Variants in FBXL14 observed in about 807,000 individuals in gnomAD.
FBXL14 encodes the protein F-box/LRR-repeat protein 14.
Under a neutral mutation model 24.5 loss-of-function variants are expected in FBXL14, and 11 were observed. The observed-to-expected ratio is 0.45, with a 90% CI of 0.28 to 0.74. FBXL14 has a LOEUF of 0.74. Ranked by LOEUF, FBXL14 falls within the 30% of genes least tolerant of loss-of-function variation. The pLI is 0.12. For synonymous variants in FBXL14, 294 were observed against 240.4 expected (o/e 1.22, Z -2.06); for missense variants, 384 against 545.6 (o/e 0.70, Z 2.95).
Position 1,566,470 on chromosome 12 carries a change from C to G in FBXL14, c.*278G>C. The G allele has an allele frequency of 2.8e-6, 1 of 354,616 alleles. No individual in the cohort carries two copies. The highest frequency in any genetic ancestry group is 4.6e-5 in the East Asian group (1 of 21,578). 22.0% of individuals were successfully genotyped at this position (354,616 alleles called of 1,614,324 possible). On this transcript the variant is annotated 3_prime_UTR_variant, in exon 2 of 2. Coordinates refer to ENST00000339235, the MANE Select transcript of FBXL14 (RefSeq NM_152441.3). ...AGAAGCTTGCAAATTGCAATTCCAT[C>G]CTAGCAAGTAAAAAGCTGAACAGAC... is the stretch of plus-strand genomic sequence containing the variant.
chr12:1,590,868 T>C (rs1047739543), intron 1 of FBXL14, among the ~76,000 whole-genome samples: 1 of 152,124 alleles, frequency 6.6e-6, no homozygotes, highest in African/African-American at 2.4e-5. Flanking sequence ...AGGACAGCGC[T>C]CTTTTAACTT....
chr12:1,570,169 C>A (rs2094442963), intron 1 of FBXL14, among the ~76,000 whole-genome samples: 1 of 152,168 alleles, frequency 6.6e-6, no homozygotes, highest in South Asian at 2.1e-4. Flanking sequence ...AGCAGTGACT[C>A]AAAGGCCAGT....
chr12:1,594,135 G>T lies in FBXL14; in HGVS notation c.-69C>A. 1 of 1,234,666 alleles carries T rather than the reference G, an allele frequency of 8.1e-7. No individual in the cohort carries two copies. The highest frequency in any genetic ancestry group is 1.0e-6 in the Non-Finnish European group (1 of 982,238). 76.5% of individuals were successfully genotyped at this position (1,234,666 alleles called of 1,614,324 possible). A position where few individuals can be genotyped will look rare whatever the true frequency, so the allele number is the denominator to read the frequency against. On this transcript the variant is annotated 5_prime_UTR_variant, in exon 1 of 2. Transcript: ENST00000339235. Reference sequence around the variant, plus strand: ...GCCCCGCCGCTCCGGCCTCGGGCAGGCGACGAGAGCGCTTCTCCCCAGCCG... The same window carrying T: ...GCCCCGCCGCTCCGGCCTCGGGCAGTCGACGAGAGCGCTTCTCCCCAGCCG...
rs1427082586 is a variant in FBXL14, at chr12:1,594,132, C to T, written c.-66G>A. On this transcript the variant is annotated 5_prime_UTR_variant, in exon 1 of 2. Coordinates refer to ENST00000339235, the MANE Select transcript of FBXL14 (RefSeq NM_152441.3). ...CGGGCCCCGCCGCTCCGGCCTCGGGCAGGCGACGAGAGCGCTTCTCCCCAG... is the reference window on the plus strand; with the variant it reads ...CGGGCCCCGCCGCTCCGGCCTCGGGTAGGCGACGAGAGCGCTTCTCCCCAG... 4 of 1,272,834 alleles carry T rather than the reference C, an allele frequency of 3.1e-6. No homozygotes were observed. Among genetic ancestry groups the T allele is most frequent in the Non-Finnish European group, 3.0e-6 (3 of 1,008,062 alleles). 78.8% of individuals were successfully genotyped at this position (1,272,834 alleles called of 1,614,324 possible). A position where few individuals can be genotyped will look rare whatever the true frequency, so the allele number is the denominator to read the frequency against.
At chr12:1,582,326 G>A (rs532923493) in intron 1 of FBXL14, among the ~76,000 whole-genome samples, 1 of 152,184 alleles carries the variant, frequency 6.6e-6, no homozygotes, top group African/African-American at 2.4e-5. Flanking sequence ...AGCCCTCCCA[G>A]TTCTTCCGAG....
Position 1,566,318 on chromosome 12 carries a change from C to CATAT in FBXL14, c.*426_*429dup, listed in dbSNP as rs1437267156. 6.5e-6 allele frequency: 1 copy of CATAT among 152,858 alleles called. No individual in the cohort carries two copies. Among genetic ancestry groups the CATAT allele is most frequent in the Non-Finnish European group, 1.5e-5 (1 of 68,582 alleles). The allele number at this position is 152,858 out of a possible 1,614,324, so 9.5% of individuals were successfully genotyped here. On this transcript the variant is annotated 3_prime_UTR_variant, in exon 2 of 2. Coordinates refer to ENST00000339235, the MANE Select transcript of FBXL14 (RefSeq NM_152441.3). Reference sequence around the variant, plus strand: ...ATGATATTTTACGTTCTCAGTAATACATATCATCATTATATATATCATCAT... The same window carrying CATAT: ...ATGATATTTTACGTTCTCAGTAATACATATATATCATCATTATATATATCATCAT...
chr12:1,566,880 G>A (rs528780377), intron 1 of FBXL14, 70 bp from the exon 2 acceptor site: 21 of 765,770 alleles, frequency 2.7e-5, no homozygotes, highest in South Asian at 2.1e-4. Flanking sequence ...TAACGAGGTC[G>A]CCTCCCCTAA....
chr12:1,587,797 C>G (rs1205729434), intron 1 of FBXL14, among the ~76,000 whole-genome samples: 1 of 152,094 alleles, frequency 6.6e-6, no homozygotes, highest in African/African-American at 2.4e-5. Flanking sequence ...AGTATGTGAC[C>G]CAAGTCTGAG....
chr12:1,568,282 C>G (rs1271223078), intron 1 of FBXL14, among the ~76,000 whole-genome samples: 1 of 152,078 alleles, frequency 6.6e-6, no homozygotes, highest in Non-Finnish European at 1.5e-5. Flanking sequence ...GAGAGAAAAC[C>G]CACCAGCCTA....
chr12:1,591,057 T>C (rs1238628429), intron 1 of FBXL14, among the ~76,000 whole-genome samples: 1 of 152,252 alleles, frequency 6.6e-6, no homozygotes, highest in East Asian at 1.9e-4. Context: ...CATACAAATC[T>C]GGTTTTTTAA....
chr12:1,579,531 G>A lies in FBXL14; in HGVS notation c.1195-12721C>T, dbSNP rs530438131. Among the ~76,000 whole-genome samples, 9 of 151,178 alleles carry A rather than the reference G, an allele frequency of 6.0e-5. No homozygotes were observed. In the East Asian group the frequency reaches 1.6e-3, roughly 26 times the overall value. ...CTCGAGAGGCTGAGGTGGGAGAATCGCTTGAGGGGAGTGGGAGGTTGCAGT... is the reference window on the plus strand; with the variant it reads ...CTCGAGAGGCTGAGGTGGGAGAATCACTTGAGGGGAGTGGGAGGTTGCAGT... On this transcript the variant is annotated intron_variant, in intron 1 of 1. Transcript: ENST00000339235. This position sits in a 1 kb window ranked among gnomAD's most constrained non-coding sequence, Gnocchi z 4.3.
Position 1,567,364 on chromosome 12 carries a change from C to G in FBXL14, c.1195-554G>C, listed in dbSNP as rs955799566. On this transcript the variant is annotated intron_variant, in intron 1 of 1. Transcript: ENST00000339235. This position sits in a 1 kb window ranked among gnomAD's most constrained non-coding sequence, Gnocchi z 4.8. ...AAAATTAGCTGGGCGTGGTGGCAAG[C>G]ACCTGTAATCCCAGCTGCTCAGGAG... is the stretch of plus-strand genomic sequence containing the variant. Among the ~76,000 whole-genome samples the G allele has an allele frequency of 1.3e-5, 2 of 151,952 alleles. No homozygotes were observed. The highest frequency in any genetic ancestry group is 2.9e-5 in the Non-Finnish European group (2 of 67,972).
chr12:1,582,446 T>G (rs1278253112), intron 1 of FBXL14, among the ~76,000 whole-genome samples: 2 of 152,112 alleles, frequency 1.3e-5, no homozygotes, highest in Admixed American at 6.5e-5. Context: ...TTGTGCAGGG[T>G]GATACGTGTT....
At chr12:1,591,249 A>G (rs144841199) in intron 1 of FBXL14, among the ~76,000 whole-genome samples, 1 of 151,772 alleles carries the variant, frequency 6.6e-6, no homozygotes, top group Non-Finnish European at 1.5e-5. Context: ...ACCAAACTCC[A>G]CCTTGCGTCC....
At chr12:1,589,021 G>A (rs184381905) in intron 1 of FBXL14, among the ~76,000 whole-genome samples, 24 of 151,494 alleles carry the variant, frequency 1.6e-4, no homozygotes, top group Admixed American at 1.3e-3. Flanking sequence ...TTCTATGAGG[G>A]TCACCTTACT....
chr12:1,593,988 G>T lies in FBXL14; in HGVS notation c.79C>A (p.Arg27Ser), dbSNP rs760862861. Residue 27 changes from arginine to serine, a missense_variant, in exon 1 of 2, where the codon CGC becomes AGC. Arg to Ser is a moderately radical substitution (Grantham distance 110). Coordinates refer to ENST00000339235, the MANE Select transcript of FBXL14 (RefSeq NM_152441.3). The surrounding 1 kb of genome is among the most constrained non-coding windows in gnomAD (Gnocchi z 7.4). ...CAGGCGGTGCACACCTGCGCCGCGC[G>T]CCCCTTGTCCCGGACGTCCAGGTAG... ...FGYLDVRDKG[R>S]AAQVCTAWRD... 1.3e-6 allele frequency: 2 copies of T among 1,585,420 alleles called. No individual in the cohort carries two copies. Among genetic ancestry groups the T allele is most frequent in the Non-Finnish European group, 1.7e-6 (2 of 1,173,854 alleles).
intron 1 of FBXL14, among the ~76,000 whole-genome samples, chr12:1,584,234 C>G (rs556193468): frequency 2.5e-4 from 38 of 152,182 alleles, no homozygotes; most frequent in African/African-American, 8.7e-4. Flanking sequence ...GCCTGTGGTC[C>G]CAGCTACTCG....
At chr12:1,591,390 T>C (rs1265669122) in intron 1 of FBXL14, among the ~76,000 whole-genome samples, 1 of 151,886 alleles carries the variant, frequency 6.6e-6, no homozygotes, top group Non-Finnish European at 1.5e-5. Flanking sequence ...ATTTCCTCTT[T>C]TATTATATAA....
chr12:1,592,900 T>A lies in FBXL14; in HGVS notation c.1167A>T (p.Gly389=). Residue 389 remains glycine, a synonymous_variant, in exon 1 of 2, where the codon GGA becomes GGT. Coordinates refer to ENST00000339235, the MANE Select transcript of FBXL14 (RefSeq NM_152441.3). ...TCTCACTGTCCGTCATCTGCCAGAG[T>A]CCCAGGTTGAGTACCTTGAGGCACG... The part of the protein sequence containing the change: ...QLPCLKVLNL[G]LWQMTDSEKE... 1.9e-6 allele frequency: 3 copies of A among 1,591,720 alleles called. No homozygotes were observed. In the African/African-American group the frequency reaches 4.0e-5, roughly 21 times the overall value.
Sources: allele counts gnomAD v4.1 joint callset (sites outside exome capture counted in the v4.1 genomes callset), GRCh38; gene constraint gnomAD v4.1.1; non-coding constraint Gnocchi (gnomAD v3.1); transcripts MANE v1.5; gene names NCBI Gene and HGNC (gene_info 2026-07-23, HGNC 2026-07-21).